FOXP1: variants seen among roughly 807,000 people sequenced by gnomAD.
FOXP1 encodes forkhead box protein P1.
In FOXP1, 15 loss-of-function variants were observed where a neutral mutation model predicts 98.2. The ratio of observed to expected loss-of-function variants is 0.15; its 90% CI spans 0.10 to 0.24. The LOEUF (loss-of-function observed/expected upper bound fraction) is 0.24, where lower values mean the gene tolerates loss of function less well. Among genes scored for constraint, FOXP1 ranks in the 10% least tolerant of loss-of-function variants. The pLI, the probability that FOXP1 is intolerant of heterozygous loss-of-function variation, is 1.00. For synonymous variants in FOXP1, 371 were observed against 314.5 expected (o/e 1.18, Z -1.90); for missense variants, 633 against 848.5 (o/e 0.75, Z 3.15).
chr3:70,964,457 A>C (rs2034296535), intron 20 of FOXP1, among the ~76,000 whole-genome samples: 1 of 152,244 alleles, frequency 6.6e-6, no homozygotes. Flanking sequence ...GTTTGTACAG[A>C]TTATGAGAAA....
chr3:71,417,258 TCACC>T (rs1362682407), intron 3 of FOXP1, among the ~76,000 whole-genome samples: 1 of 152,186 alleles, frequency 6.6e-6, no homozygotes, highest in African/African-American at 2.4e-5. Context: ...AGTCCCCACC[TCACC>T]CACCATGAAA....
At chr3:71,298,769 C>A (rs573707911) in intron 5 of FOXP1, among the ~76,000 whole-genome samples, 1 of 152,114 alleles carries the variant, frequency 6.6e-6, no homozygotes, top group Non-Finnish European at 1.5e-5. Context: ...CTAGAACCCC[C>A]CCAAGCCCCA....
chr3:71,011,204 A>C (rs1172624786), intron 12 of FOXP1, among the ~76,000 whole-genome samples: 1 of 152,134 alleles, frequency 6.6e-6, no homozygotes, highest in East Asian at 1.9e-4. Context: ...GCTACTTTAC[A>C]ATATTCATTT....
intron 4 of FOXP1, among the ~76,000 whole-genome samples, chr3:71,308,158 G>C (rs1474227306): frequency 1.3e-5 from 2 of 151,388 alleles, no homozygotes; most frequent in South Asian, 2.1e-4. Flanking sequence ...GGGAAAGATG[G>C]GGGGGCGTAG....
At chr3:71,176,675 A>G (rs1247230296) in intron 6 of FOXP1, among the ~76,000 whole-genome samples, 1 of 148,670 alleles carries the variant, frequency 6.7e-6, no homozygotes, top group Non-Finnish European at 1.5e-5. Context: ...CAGGAGTTCA[A>G]GGCTGCAGTG....
chr3:71,008,421 C>T (rs1362850586), intron 12 of FOXP1, among the ~76,000 whole-genome samples: 1 of 152,120 alleles, frequency 6.6e-6, no homozygotes, highest in African/African-American at 2.4e-5. Context: ...ATGAGCTTCA[C>T]ACCACTCTGG....
At chr3:71,072,336 T>C (rs774451835) in intron 7 of FOXP1, among the ~76,000 whole-genome samples, 4 of 152,230 alleles carry the variant, frequency 2.6e-5, no homozygotes, top group Admixed American at 2.0e-4. Context: ...CTACAATGAA[T>C]GAATGAATGA....
intron 4 of FOXP1, among the ~76,000 whole-genome samples, chr3:71,337,851 G>T (rs1355757818): frequency 6.6e-6 from 1 of 152,188 alleles, no homozygotes; most frequent in Non-Finnish European, 1.5e-5. Context: ...AACAGAGAAG[G>T]CTATGGCAGA....
intron 2 of FOXP1, among the ~76,000 whole-genome samples, chr3:71,539,763 G>C (rs1425338667): frequency 6.6e-6 from 1 of 151,826 alleles, no homozygotes; most frequent in African/African-American, 2.4e-5. Context: ...TTTTTTATTA[G>C]CATAAATTTT....
intron 3 of FOXP1, among the ~76,000 whole-genome samples, chr3:71,383,350 C>A (rs831080): frequency 2.0e-5 from 3 of 152,056 alleles, no homozygotes; most frequent in Non-Finnish European, 4.4e-5. Flanking sequence ...AGGAAGACTG[C>A]ATAACCAATG....
At chr3:71,416,548 AC>A (rs2083230069) in intron 3 of FOXP1, among the ~76,000 whole-genome samples, 1 of 5,728 alleles carries the variant, frequency 1.7e-4, no homozygotes, top group Admixed American at 1.5e-3. Flanking sequence ...CTGTCTCAAA[AC>A]ACACACACAC....
intron 5 of FOXP1, among the ~76,000 whole-genome samples, chr3:71,266,899 A>G (rs1217416591): frequency 6.6e-6 from 1 of 152,154 alleles, no homozygotes; most frequent in Non-Finnish European, 1.5e-5. Context: ...AAGAAACATG[A>G]TTTCATTCTT....
chr3:70,969,779 C>G (rs1439665067), intron 19 of FOXP1: 1 of 152,156 alleles, frequency 6.6e-6, no homozygotes, highest in African/African-American at 2.4e-5. Context: ...GATACAGCCC[C>G]CATTGAGAAT....
At chr3:71,203,091 C>A (rs1215358711) in intron 5 of FOXP1, among the ~76,000 whole-genome samples, 1 of 152,128 alleles carries the variant, frequency 6.6e-6, no homozygotes, top group Non-Finnish European at 1.5e-5. Context: ...AAAGGTATGG[C>A]CACACCATAC....
intron 3 of FOXP1, among the ~76,000 whole-genome samples, chr3:71,432,280 T>C (rs754298666): frequency 5.3e-5 from 8 of 152,148 alleles, no homozygotes; most frequent in Non-Finnish European, 8.8e-5. Flanking sequence ...AGACGCAGAA[T>C]ATTCCCTTTT....
chr3:71,449,075 C>T (rs1168563568), intron 3 of FOXP1, among the ~76,000 whole-genome samples: 9 of 152,104 alleles, frequency 5.9e-5, no homozygotes, highest in Non-Finnish European at 1.3e-4. Flanking sequence ...TACATAGAAA[C>T]AGTAATCAAA....
chr3:71,511,562 T>G (rs970772717), intron 2 of FOXP1, among the ~76,000 whole-genome samples: 1 of 151,872 alleles, frequency 6.6e-6, no homozygotes, highest in African/African-American at 2.4e-5. Flanking sequence ...TCCTAAACAA[T>G]GTAGGCAAGT....
At chr3:71,280,321 C>CTTTTTTTTTT (rs145186097) in intron 5 of FOXP1, among the ~76,000 whole-genome samples, 1 of 147,814 alleles carries the variant, frequency 6.8e-6, no homozygotes, top group Non-Finnish European at 1.5e-5. Context: ...TTTACAATAT[C>CTTTTTTTTTT]TTTTTTTTTT....
chr3:71,066,261 G>A lies in FOXP1; in HGVS notation c.283-12488C>T, dbSNP rs536976548. Among the ~76,000 whole-genome samples the A allele has an allele frequency of 2.6e-5, 4 of 152,270 alleles. No individual in the cohort carries two copies. The South Asian group carries it at 8.3e-4, about 32-fold the overall frequency. The stretch of plus-strand genomic sequence containing the variant: ...TGCCTGAATTTCAACAGGGTCAGCG[G>A]GGAGCAGACAATTCCCTCTTTACTC... On this transcript the variant is annotated intron_variant, in intron 7 of 20. Transcript: ENST00000649528.
Sources: allele counts gnomAD v4.1 joint callset (sites outside exome capture counted in the v4.1 genomes callset), GRCh38; gene constraint gnomAD v4.1.1; transcripts MANE v1.5; gene names NCBI Gene and HGNC (gene_info 2026-07-23, HGNC 2026-07-21).